Variants in HOXC4 observed in about 807,000 individuals in gnomAD.
HOXC4 encodes homeobox protein Hox-C4.
A neutral mutation model predicts 25.5 loss-of-function variants in HOXC4; 15 were observed. That is an observed-to-expected ratio of 0.59 (90% CI 0.39 to 0.91). The LOEUF is 0.91. Ranked by LOEUF, HOXC4 falls within the 40% of genes least tolerant of loss-of-function variation. The pLI, the probability that HOXC4 is intolerant of heterozygous loss-of-function variation, is 0.00. For missense variants in HOXC4, 342 were observed against 352.4 expected (o/e 0.97, Z 0.24); for synonymous variants, 165 against 148.0 (o/e 1.11, Z -0.83).
chr12:54,054,781 G>A, intron 1 of HOXC4, 69 bp from the exon 2 acceptor site: 2 of 990,184 alleles, frequency 2.0e-6, no homozygotes, highest in Non-Finnish European at 3.1e-6. Context: ...AGCTGAGGAT[G>A]GGGTGAGGGT....
intron 1 of HOXC4, chr12:54,033,835 A>C: frequency 3.8e-6 from 2 of 525,488 alleles, no homozygotes; most frequent in East Asian, 3.7e-5. Context: ...AAATAGAGGG[A>C]TCTGAAGGGT....
intron 1 of HOXC4, among the ~76,000 whole-genome samples, chr12:54,042,411 G>C (rs1941290444): frequency 6.6e-6 from 1 of 152,208 alleles, no homozygotes. Context: ...ATCTCATGAA[G>C]AGTTAGGAAA....
chr12:54,018,542 T>A (rs1940271475), intron 1 of HOXC4, among the ~76,000 whole-genome samples: 1 of 152,226 alleles, frequency 6.6e-6, no homozygotes, highest in Admixed American at 6.5e-5. Context: ...AATGGCCTGT[T>A]GTATAGTCTT....
intron 1 of HOXC4, chr12:54,034,309 C>A (rs376228055): frequency 6.2e-7 from 1 of 1,614,110 alleles, no homozygotes; most frequent in Non-Finnish European, 8.5e-7. Context: ...GAACCAGTTA[C>A]ACGCGCTACC....
intron 1 of HOXC4, among the ~76,000 whole-genome samples, chr12:54,024,906 A>G (rs1940623762): frequency 6.6e-6 from 1 of 152,218 alleles, no homozygotes; most frequent in Non-Finnish European, 1.5e-5. Flanking sequence ...TTTGCATTGG[A>G]GAGGACTGGA....
At chr12:54,027,692 C>G (rs10876528) in intron 1 of HOXC4, among the ~76,000 whole-genome samples, 1 of 151,804 alleles carries the variant, frequency 6.6e-6, no homozygotes, top group African/African-American at 2.4e-5. Flanking sequence ...GTTTTCCCAA[C>G]AGAGGGGTCC....
chr12:54,041,111 C>G (rs952089500), intron 1 of HOXC4, among the ~76,000 whole-genome samples: 1 of 152,222 alleles, frequency 6.6e-6, no homozygotes, highest in African/African-American at 2.4e-5. Flanking sequence ...CAATAGCCAT[C>G]AAAAGGTACA....
chr12:54,047,498 G>T (rs1937744799), intron 1 of HOXC4, among the ~76,000 whole-genome samples: 1 of 152,230 alleles, frequency 6.6e-6, no homozygotes, highest in Non-Finnish European at 1.5e-5. Flanking sequence ...AGCCCGCCGG[G>T]AGGACTCGGA....
intron 1 of HOXC4, chr12:54,029,872 C>G (rs1378942180): frequency 4.3e-6 from 7 of 1,612,848 alleles, no homozygotes; most frequent in Non-Finnish European, 5.9e-6. Context: ...CATCCACTCT[C>G]TCGGGGGGCG....
At chr12:54,049,442 G>A (rs1937794344), upstream of HOXC4, among the ~76,000 whole-genome samples, 1 of 152,046 alleles carries the variant, frequency 6.6e-6, no homozygotes, top group Non-Finnish European at 1.5e-5. Flanking sequence ...GCAAGGCAAG[G>A]CAAGAGAAAT....
chr12:54,031,640 G>GA (rs1940991644), intron 1 of HOXC4, among the ~76,000 whole-genome samples: 1 of 152,146 alleles, frequency 6.6e-6, no homozygotes, highest in Non-Finnish European at 1.5e-5. Context: ...TCTCCGGAGG[G>GA]AAAAAATCCG....
chr12:54,032,094 A>G (rs1941007106), intron 1 of HOXC4, among the ~76,000 whole-genome samples: 1 of 152,238 alleles, frequency 6.6e-6, no homozygotes, highest in African/African-American at 2.4e-5. Flanking sequence ...TAGGTACCAC[A>G]TAAGGATCGC....
At chr12:54,032,924 C>G (rs927427169) in intron 1 of HOXC4, 1 of 538,478 alleles carries the variant, frequency 1.9e-6, no homozygotes, top group Admixed American at 3.4e-5. Context: ...GGTCATCAAG[C>G]CAAATTTATG....
chr12:54,027,958 A>T (rs1388094753), intron 1 of HOXC4, among the ~76,000 whole-genome samples: 1 of 152,110 alleles, frequency 6.6e-6, no homozygotes, highest in Non-Finnish European at 1.5e-5. Flanking sequence ...GACTCACTCC[A>T]TGGAGTGTCA....
intron 1 of HOXC4, among the ~76,000 whole-genome samples, chr12:54,045,543 C>G (rs577526186): frequency 6.6e-6 from 1 of 152,148 alleles, no homozygotes; most frequent in Non-Finnish European, 1.5e-5. Context: ...CATATTGAAG[C>G]TACATATTTA....
At chr12:54,052,100 C>A (rs959461119), upstream of HOXC4, among the ~76,000 whole-genome samples, 2 of 151,984 alleles carry the variant, frequency 1.3e-5, no homozygotes, top group South Asian at 2.1e-4. Context: ...TAGCGTAGGG[C>A]GGCGAATTAA....
At chr12:54,046,072 G>A (rs1937697950) in intron 1 of HOXC4, among the ~76,000 whole-genome samples, 1 of 152,064 alleles carries the variant, frequency 6.6e-6, no homozygotes, top group Non-Finnish European at 1.5e-5. Flanking sequence ...TTGAAATGTG[G>A]GGGAAAAAGG....
chr12:54,034,185 C>A, intron 1 of HOXC4: 1 of 1,241,244 alleles, frequency 8.1e-7, no homozygotes, highest in Non-Finnish European at 1.2e-6. Context: ...CCTCTCCCTC[C>A]GGCCGCGGGT....
chr12:54,023,414 G>C (rs1940537613), intron 1 of HOXC4, among the ~76,000 whole-genome samples: 1 of 152,260 alleles, frequency 6.6e-6, no homozygotes, highest in Non-Finnish European at 1.5e-5. Context: ...TCTGGAAAGA[G>C]AGAGGGAGGA....
Sources: allele counts gnomAD v4.1 joint callset (sites outside exome capture counted in the v4.1 genomes callset), GRCh38; gene constraint gnomAD v4.1.1; transcripts MANE v1.5; gene names NCBI Gene and HGNC (gene_info 2026-07-23, HGNC 2026-07-21).